ARHGAP30: variants seen among roughly 807,000 people sequenced by gnomAD.
The protein encoded by ARHGAP30 is Rho GTPase activating protein 30, also known as rho GTPase-activating protein 30.
Under a neutral mutation model 72.0 loss-of-function variants are expected in ARHGAP30, and 23 were observed. That is an observed-to-expected ratio of 0.32 (90% CI 0.23 to 0.45). The LOEUF is 0.45. Ranked by LOEUF, ARHGAP30 falls within the 20% of genes least tolerant of loss-of-function variation. ARHGAP30 has a pLI of 1.00. For synonymous variants in ARHGAP30, 576 were observed against 528.2 expected (o/e 1.09, Z -1.24); for missense variants, 1,319 against 1,383.4 (o/e 0.95, Z 0.74).
In ARHGAP30 at chr1:161,059,698, C is replaced by T. The variant is rs1652174769; in HGVS notation, c.116G>A (p.Ser39Asn). 1.2e-6 allele frequency: 2 copies of T among 1,613,244 alleles called. No individual in the cohort carries two copies. The highest frequency in any genetic ancestry group is 2.7e-5 in the African/African-American group (2 of 74,884). The change falls in exon 2 of 12, where the codon AGC becomes AAC. Residue 39 changes from serine (S) to asparagine (N), a missense_variant. Transcript: ENST00000368013. ...SGQEVPQVLK[S>N]CAEFVEEYGV... ...ATACTCCTCCACAAATTCTGCACAG[C>T]TCTTTAGCACCTGGGGCACTGGGGA...
intron 2 of ARHGAP30, among the ~76,000 whole-genome samples, chr1:161,058,713 T>C (rs1463873843): frequency 6.7e-6 from 1 of 148,292 alleles, no homozygotes; most frequent in Admixed American, 6.8e-5. Context: ...ATACAAAAAT[T>C]AGCCAGGCGT....
rs750422032 is a variant in ARHGAP30, at chr1:161,059,608, A to G, written c.200+6T>C. ...TCACAGAGCCCTCCCACTCTGTTTG[A>G]CTCACCGAAGCTTCTGGATGTTGGA... is the stretch of plus-strand genomic sequence containing the variant. On this transcript the variant is annotated splice_donor_region_variant and intron_variant, in intron 2 of 11. Transcript: ENST00000368013. 2 of 1,609,446 alleles carry G rather than the reference A, an allele frequency of 1.2e-6. No individual in the cohort carries two copies. Among genetic ancestry groups the G allele is most frequent in the Non-Finnish European group, 8.5e-7 (1 of 1,177,606 alleles).
At chr1:161,056,665 C>T (rs1438856234) in intron 2 of ARHGAP30, 133 bp from the exon 3 acceptor site, 5 of 944,126 alleles carry the variant, frequency 5.3e-6, no homozygotes, top group African/African-American at 3.3e-5. Flanking sequence ...TGTTGGGACA[C>T]GTACACATGT....
chr1:161,058,413 G>A (rs1458677437), intron 2 of ARHGAP30, among the ~76,000 whole-genome samples: 2 of 152,036 alleles, frequency 1.3e-5, no homozygotes, highest in African/African-American at 4.8e-5. Flanking sequence ...GATCACTTGA[G>A]GTCAGGAGTT....
At chr1:161,062,348 G>A (rs567748117) in intron 1 of ARHGAP30, among the ~76,000 whole-genome samples, 1 of 152,042 alleles carries the variant, frequency 6.6e-6, no homozygotes, top group Non-Finnish European at 1.5e-5. Context: ...CAAATCCTAT[G>A]AGCCTTGGTA....
At position 161,051,450 on chromosome 1, in the gene ARHGAP30, G is replaced by A. The variant is rs1220697173; in HGVS notation, c.1284C>T (p.Leu428=). 3 of 1,614,150 alleles carry A rather than the reference G, an allele frequency of 1.9e-6. No homozygotes were observed. The African/African-American group carries it at 4.0e-5, about 22-fold the overall frequency. The part of the protein sequence containing the change: ...VNLPLHITSI[L]SVPPNIISNV... ...TAGAGATGATGTTCGGGGGCACACT[G>A]AGGATAGAGGTGATGTGTAGCGGGA... Residue 428 remains leucine (L), a synonymous_variant, in exon 10 of 12, where the codon CTC becomes CTT. Transcript: ENST00000368013.
Position 161,069,640 on chromosome 1 carries a change from G to A in ARHGAP30, c.-16C>T. On this transcript the variant is annotated 5_prime_UTR_variant, in exon 1 of 12. Coordinates refer to ENST00000368013, the MANE Select transcript of ARHGAP30 (RefSeq NM_001025598.2). The surrounding 1 kb of genome is among the most constrained non-coding windows in gnomAD (Gnocchi z 4.9). ...GAGACTTCATGGCCAGAGCCCCAGG[G>A]CACTGGCCCGGTCACCTCTATCCCC... 7 of 1,606,808 alleles carry A rather than the reference G, an allele frequency of 4.4e-6. No homozygotes were observed. The highest frequency in any genetic ancestry group is 5.9e-6 in the Non-Finnish European group (7 of 1,179,658).
Position 161,053,459 on chromosome 1 carries a change from T to G in ARHGAP30, c.537-74A>C, listed in dbSNP as rs976917330. On this transcript the variant is annotated intron_variant, in intron 5 of 11. Transcript: ENST00000368013. Reference sequence around the variant, plus strand: ...AATCCAGATTCTCCCTGAAAATACCTTATTCTCTCTCTCTCTCTCTCTCTC... The same window carrying G: ...AATCCAGATTCTCCCTGAAAATACCGTATTCTCTCTCTCTCTCTCTCTCTC... 5 of 1,514,488 alleles carry G rather than the reference T, an allele frequency of 3.3e-6. No homozygotes were observed. The African/African-American group carries it at 7.0e-5, about 21-fold the overall frequency. 93.8% of individuals were successfully genotyped at this position (1,514,488 alleles called of 1,614,324 possible). A position where few individuals can be genotyped will look rare whatever the true frequency, so the allele number is the denominator to read the frequency against.
chr1:161,065,693 A>C (rs1280710380), intron 1 of ARHGAP30, among the ~76,000 whole-genome samples: 1 of 151,040 alleles, frequency 6.6e-6, no homozygotes, highest in African/African-American at 2.4e-5. Flanking sequence ...CAGCCTCCCA[A>C]GTAGCTAGGA....
Position 161,051,638 on chromosome 1 carries a change from C to T in ARHGAP30, c.1096G>A (p.Glu366Lys). The T allele has an allele frequency of 6.2e-7, 1 of 1,613,184 alleles. No individual in the cohort carries two copies. The highest frequency in any genetic ancestry group is 1.3e-5 in the African/African-American group (1 of 75,052). The change falls in exon 10 of 12, where the codon GAG becomes AAG. Residue 366 changes from glutamate (E) to lysine (K), a missense_variant. Physicochemically the swap from Glu to Lys is moderately conservative, Grantham distance 56 (BLOSUM62 1). Coordinates refer to ENST00000368013, the MANE Select transcript of ARHGAP30 (RefSeq NM_001025598.2). ...LPESLENDSI[E>K]AAEGEQEPEA... is the part of the protein sequence containing the mutation. Reference sequence around the variant, plus strand: ...GGCTCCTGTTCACCCTCTGCTGCCTCTATAGAATCGTTCTCCAAGCTCTCA... The same window carrying T: ...GGCTCCTGTTCACCCTCTGCTGCCTTTATAGAATCGTTCTCCAAGCTCTCA...
intron 5 of ARHGAP30, 46 bp from the exon 6 acceptor site, chr1:161,053,431 C>A (rs368675181): frequency 6.3e-7 from 1 of 1,580,172 alleles, no homozygotes; most frequent in Non-Finnish European, 8.6e-7. Flanking sequence ...CACCAAACTT[C>A]CCAATCCAGA....
chr1:161,051,197 C>A, intron 10 of ARHGAP30, 117 bp downstream of exon 10: 2 of 1,470,908 alleles, frequency 1.4e-6, no homozygotes, highest in Non-Finnish European at 1.8e-6. Flanking sequence ...AAGGTAACCA[C>A]CCCAAAGCCC....
intron 3 of ARHGAP30, 102 bp downstream of exon 3, chr1:161,056,286 A>G (rs1651871973): frequency 1.4e-6 from 2 of 1,447,554 alleles, no homozygotes; most frequent in Non-Finnish European, 1.8e-6. Context: ...TCTGTCATTC[A>G]GGATCGCTAG....
At chr1:161,058,287 G>C (rs547689052) in intron 2 of ARHGAP30, among the ~76,000 whole-genome samples, 1 of 151,432 alleles carries the variant, frequency 6.6e-6, no homozygotes, top group East Asian at 1.9e-4. Context: ...ACTACAGCCT[G>C]GGCAGCAGAG....
intron 1 of ARHGAP30, among the ~76,000 whole-genome samples, chr1:161,064,831 GAGAAAGAAAGA>G (rs1652623679): frequency 1.4e-5 from 1 of 73,834 alleles, no homozygotes; most frequent in East Asian, 5.6e-4. Flanking sequence ...AAGAAAGAAA[GAGAAAGAAAGA>G]AAGAAAGGAA....
Position 161,052,311 on chromosome 1 carries a change from C to T in ARHGAP30, c.993G>A (p.Leu331=), listed in dbSNP as rs752964882. 1 of 1,614,042 alleles carries T rather than the reference C, an allele frequency of 6.2e-7. No individual in the cohort carries two copies. The highest frequency in any genetic ancestry group is 2.2e-5 in the East Asian group (1 of 44,892). Residue 331 remains leucine (L), a synonymous_variant, in exon 9 of 12, where the codon CTG becomes CTA. Transcript: ENST00000368013. ...CATCACTGGCCCCAGCTGCAGCACT[C>T]AGTGAGTCCATGCTTTTGGCTGGCC... is the stretch of plus-strand genomic sequence containing the variant. ...TLRPAKSMDS[L]SAAAGASDEP... is the part of the protein sequence containing the mutation.
Position 161,052,440 on chromosome 1 carries a change from C to T in ARHGAP30, c.940G>A (p.Glu314Lys). 6.2e-7 allele frequency: 1 copy of T among 1,613,958 alleles called. No homozygotes were observed. Among genetic ancestry groups the T allele is most frequent in the Non-Finnish European group, 8.5e-7 (1 of 1,180,018 alleles). ...RKLPRGAEDR[E>K]DKSNKGTLRP... ...GCTCCCCCCATCTCCCCAGACTTAC[C>T]CCTGTCCTCAGCCCCCCGTGGAAGT... Residue 314 changes from glutamate to lysine, a missense_variant and splice_region_variant, in exon 8 of 12, where the codon GAG becomes AAG. Coordinates refer to ENST00000368013, the MANE Select transcript of ARHGAP30 (RefSeq NM_001025598.2).
At chr1:161,061,293 G>T (rs951253872) in intron 1 of ARHGAP30, among the ~76,000 whole-genome samples, 24 of 140,866 alleles carry the variant, frequency 1.7e-4, no homozygotes, top group African/African-American at 6.0e-4. Flanking sequence ...AGCCTCCCAA[G>T]TAGCTGGAAT....
rs1650924271 is a variant in ARHGAP30 at position 161,047,396 on chromosome 1, T to C, written c.*319A>G. 2 of 193,928 alleles carry C rather than the reference T, an allele frequency of 1.0e-5. No homozygotes were observed. Among genetic ancestry groups the C allele is most frequent in the Non-Finnish European group, 2.1e-5 (2 of 95,462 alleles). 12.0% of individuals were successfully genotyped at this position (193,928 alleles called of 1,614,324 possible). A position where few individuals can be genotyped will look rare whatever the true frequency, so the allele number is the denominator to read the frequency against. On this transcript the variant is annotated 3_prime_UTR_variant, in exon 12 of 12. Coordinates refer to ENST00000368013, the MANE Select transcript of ARHGAP30 (RefSeq NM_001025598.2). ...CACAGCTCAGAGGAAGGGAGGAATTTCTCCAGTCTTCACTTTAACAAACTC... is the reference window on the plus strand; with the variant it reads ...CACAGCTCAGAGGAAGGGAGGAATTCCTCCAGTCTTCACTTTAACAAACTC...
Sources: gnomAD v4.1 joint callset for allele counts (sites outside exome capture counted in the v4.1 genomes callset) on GRCh38, gnomAD v4.1.1 for gene constraint, Gnocchi (gnomAD v3.1) non-coding constraint, MANE v1.5 for transcripts, NCBI Gene and HGNC (gene_info 2026-07-23, HGNC 2026-07-21) for gene names.